Variants in PIK3C3 observed in about 807,000 individuals in gnomAD.
The protein encoded by PIK3C3 is phosphatidylinositol 3-kinase catalytic subunit type 3.
PIK3C3 carries 95 observed loss-of-function variants against 126.1 expected under a neutral mutation model. That is an observed-to-expected ratio of 0.75 (90% confidence interval 0.64 to 0.89). PIK3C3 has a LOEUF of 0.89. Ranked by LOEUF, PIK3C3 falls within the 40% of genes least tolerant of loss-of-function variation. The pLI, the probability that PIK3C3 is intolerant of heterozygous loss-of-function variation, is 0.00. For missense variants in PIK3C3, 829 were observed against 1,063.2 expected (o/e 0.78, Z 3.06); for synonymous variants, 374 against 360.0 (o/e 1.04, Z -0.44).
At chr18:42,056,357 A>C (rs1014429699) in intron 21 of PIK3C3, among the ~76,000 whole-genome samples, 3 of 152,120 alleles carry the variant, frequency 2.0e-5, no homozygotes, top group African/African-American at 7.2e-5. Flanking sequence ...CTTCGTTTGT[A>C]AACAGTGATA....
At chr18:42,013,846 C>T (rs1363272651) in intron 11 of PIK3C3, among the ~76,000 whole-genome samples, 1 of 152,116 alleles carries the variant, frequency 6.6e-6, no homozygotes, top group Non-Finnish European at 1.5e-5. Context: ...TATAAACTTG[C>T]ATAAATTACA....
At position 42,060,070 on chromosome 18, in the gene PIK3C3, C is replaced by T. The variant is rs145549928; in HGVS notation, c.2432+2019C>T. On this transcript the variant is annotated intron_variant, in intron 22 of 24. Transcript: ENST00000262039. The stretch of plus-strand genomic sequence containing the variant: ...GATTACAGACATAAACCCATCGCAC[C>T]TGGCCAACATTTATTTTTTAATGTT... Among the ~76,000 whole-genome samples the T allele has an allele frequency of 6.2e-3, 947 of 152,158 alleles. 4 individuals are homozygous for T. Among genetic ancestry groups the T allele is most frequent in the Non-Finnish European group, 9.5e-3 (644 of 68,018 alleles).
chr18:42,058,900 C>G (rs989763999), intron 22 of PIK3C3, among the ~76,000 whole-genome samples: 1 of 152,212 alleles, frequency 6.6e-6, no homozygotes, highest in African/African-American at 2.4e-5. Flanking sequence ...AGGAAACATA[C>G]ATACATGCTC....
intron 2 of PIK3C3, among the ~76,000 whole-genome samples, chr18:41,958,197 AATTT>A (rs113737090): frequency 0.028 from 4,219 of 152,276 alleles, 189 homozygotes; most frequent in African/African-American, 0.096. Context: ...ATATGAAACT[AATTT>A]ATTTAGATTC....
chr18:42,031,945 A>G (rs766096348), intron 15 of PIK3C3, among the ~76,000 whole-genome samples: 12 of 152,204 alleles, frequency 7.9e-5, no homozygotes, highest in African/African-American at 1.4e-4. Flanking sequence ...CGTTGAAGAG[A>G]GTAAATGCAA....
At chr18:42,030,648 T>C (rs912075817) in intron 15 of PIK3C3, among the ~76,000 whole-genome samples, 1 of 152,028 alleles carries the variant, frequency 6.6e-6, no homozygotes, top group Non-Finnish European at 1.5e-5. Flanking sequence ...TTCTGTTGAG[T>C]TGACATTTTC....
At chr18:42,073,944 TTC>T (rs370207988) in intron 24 of PIK3C3, among the ~76,000 whole-genome samples, 73 of 152,244 alleles carry the variant, frequency 4.8e-4, no homozygotes, top group African/African-American at 1.7e-3. Flanking sequence ...TACAAGCATT[TTC>T]TGTGTTCAGA....
rs529065706 is a variant in PIK3C3, at chr18:42,029,647, A to T, written c.1707+206A>T. On this transcript the variant is annotated intron_variant, in intron 15 of 24. Coordinates refer to ENST00000262039, the MANE Select transcript of PIK3C3 (RefSeq NM_002647.4). ...AACCCCCACTTCCTGGGTTCAATCAATTCTCATGCCCCAGCCTCCCGAGTA... is the reference window on the plus strand; with the variant it reads ...AACCCCCACTTCCTGGGTTCAATCATTTCTCATGCCCCAGCCTCCCGAGTA... Among the ~76,000 whole-genome samples the T allele has an allele frequency of 2.7e-3, 386 of 145,202 alleles. 1 individual carries two copies. The highest frequency in any genetic ancestry group is 9.5e-3 in the African/African-American group (366 of 38,656).
chr18:42,014,379 A>G (rs1982976666), intron 11 of PIK3C3, among the ~76,000 whole-genome samples: 2 of 152,204 alleles, frequency 1.3e-5, no homozygotes, highest in South Asian at 4.1e-4. Flanking sequence ...GCTATTAACA[A>G]TATAAAAATT....
chr18:41,981,019 G>T (rs571387537), intron 4 of PIK3C3, among the ~76,000 whole-genome samples: 1 of 152,254 alleles, frequency 6.6e-6, no homozygotes. Flanking sequence ...ATTCATTGAT[G>T]TCATTGATAT....
chr18:42,041,403 T>A (rs1343212600), intron 19 of PIK3C3, among the ~76,000 whole-genome samples: 1 of 151,910 alleles, frequency 6.6e-6, no homozygotes, highest in Non-Finnish European at 1.5e-5. Context: ...TAAGACCCCC[T>A]ATCCTCTCCC....
chr18:42,064,756 T>C lies in PIK3C3; in HGVS notation c.2449T>C (p.Leu817=), dbSNP rs1297263005. The change falls in exon 23 of 25, where the codon TTG becomes CTG. Residue 817 remains leucine (L), a synonymous_variant. Transcript: ENST00000262039. The stretch of plus-strand genomic sequence containing the variant: ...CTTCTTTAGGTATTCTAATCTGATT[T>C]TGAACTTGTTTTCCTTGATGGTTGA... The part of the protein sequence containing the change: ...LHLRRYSNLI[L]NLFSLMVDAN... The C allele has an allele frequency of 1.3e-6, 2 of 1,591,186 alleles. No individual in the cohort carries two copies. The highest frequency in any genetic ancestry group is 2.2e-5 in the East Asian group (1 of 44,730).
Position 41,962,652 on chromosome 18 carries a change from C to T in PIK3C3, c.401+20C>T. On this transcript the variant is annotated intron_variant, in intron 3 of 24. Transcript: ENST00000262039. ...ATACGGGTAAGCATTCTGTTGGTCT[C>T]ATCTGTAGGAGTGTAGCAGCTTTCT... The T allele has an allele frequency of 1.2e-6, 2 of 1,604,854 alleles. No individual in the cohort carries two copies. Among genetic ancestry groups the T allele is most frequent in the South Asian group, 2.2e-5 (2 of 89,678 alleles).
At chr18:42,008,413 C>T (rs1982650688) in intron 10 of PIK3C3, among the ~76,000 whole-genome samples, 1 of 152,104 alleles carries the variant, frequency 6.6e-6, no homozygotes, top group Non-Finnish European at 1.5e-5. Flanking sequence ...AAGTATGTCA[C>T]TTAGACTGGA....
At chr18:42,047,013 G>A (rs1984586125) in intron 20 of PIK3C3, among the ~76,000 whole-genome samples, 1 of 152,058 alleles carries the variant, frequency 6.6e-6, no homozygotes, top group East Asian at 1.9e-4. Context: ...TTGATGATGA[G>A]TAGTTTATAG....
At chr18:41,983,291 G>A (rs1260286480) in intron 4 of PIK3C3, among the ~76,000 whole-genome samples, 1 of 151,916 alleles carries the variant, frequency 6.6e-6, no homozygotes, top group Non-Finnish European at 1.5e-5. Flanking sequence ...TTAATAGCCA[G>A]CAAGTTACAT....
At chr18:42,046,463 G>A (rs1030133658) in intron 20 of PIK3C3, among the ~76,000 whole-genome samples, 6 of 151,990 alleles carry the variant, frequency 3.9e-5, no homozygotes, top group Non-Finnish European at 8.8e-5. Context: ...AAGGGAAATA[G>A]GATCAGTGGT....
At chr18:41,956,549 T>C (rs1410428168) in intron 1 of PIK3C3, among the ~76,000 whole-genome samples, 4 of 48,792 alleles carry the variant, frequency 8.2e-5, no homozygotes, top group East Asian at 2.2e-3. Context: ...AACCGGTCCC[T>C]TTTTTTTTTT....
chr18:41,980,218 A>G (rs1437270644), intron 4 of PIK3C3, among the ~76,000 whole-genome samples: 1 of 152,126 alleles, frequency 6.6e-6, no homozygotes, highest in East Asian at 1.9e-4. Context: ...GGAAGTTTGT[A>G]TTCTTTGTAA....
Sources: gnomAD v4.1 joint callset for allele counts (sites outside exome capture counted in the v4.1 genomes callset) on GRCh38, gnomAD v4.1.1 for gene constraint, MANE v1.5 for transcripts, NCBI Gene and HGNC (gene_info 2026-07-23, HGNC 2026-07-21) for gene names.